SECISBP2L: variants seen among roughly 807,000 people sequenced by gnomAD.
SECISBP2L encodes selenocysteine insertion sequence-binding protein 2-like.
A neutral mutation model predicts 114.7 loss-of-function variants in SECISBP2L; 43 were observed. That is an observed-to-expected ratio of 0.38 (90% CI 0.29 to 0.48). The LOEUF (loss-of-function observed/expected upper bound fraction) is 0.48. Among genes scored for constraint, SECISBP2L ranks in the 20% least tolerant of loss-of-function variants. SECISBP2L has a pLI of 0.98. For synonymous variants in SECISBP2L, 451 were observed against 439.7 expected (o/e 1.03, Z -0.32); for missense variants, 1,136 against 1,301.1 (o/e 0.87, Z 1.95).
rs1314282287 is a variant in SECISBP2L, at chr15:49,012,630, C to A, written c.1731+18G>T. 6.2e-7 allele frequency: 1 copy of A among 1,607,722 alleles called. No individual in the cohort carries two copies. The stretch of plus-strand genomic sequence containing the variant: ...TATTCATCCTATAAAATAAATATCC[C>A]ACCAGATTTTGGTTTACCTTTTTAA... On this transcript the variant is annotated intron_variant, in intron 12 of 17. Transcript: ENST00000559471.
At chr15:49,008,516 A>T (rs1902368457) in intron 14 of SECISBP2L, among the ~76,000 whole-genome samples, 1 of 152,172 alleles carries the variant, frequency 6.6e-6, no homozygotes, top group African/African-American at 2.4e-5. Context: ...TTTGACATTT[A>T]ATTAACTTTC....
At chr15:49,000,700 C>G (rs1309377475) in intron 15 of SECISBP2L, among the ~76,000 whole-genome samples, 177 bp downstream of exon 15, 1 of 152,224 alleles carries the variant, frequency 6.6e-6, no homozygotes, top group South Asian at 2.1e-4. Flanking sequence ...TATTTACAAT[C>G]CAGTCTCAAT....
rs780015539 is a variant in SECISBP2L at position 49,035,495 on chromosome 15, A to G, written c.367T>C (p.Tyr123His). The G allele has an allele frequency of 1.3e-5, 21 of 1,614,206 alleles. No homozygotes were observed. The South Asian group carries it at 2.1e-4, about 16-fold the overall frequency. Reference sequence around the variant, plus strand: ...GAGTAAGGTGTAGGAAAAGGATGATAGAAACCCATAACCTGGGCACATGGT... The same window carrying G: ...GAGTAAGGTGTAGGAAAAGGATGATGGAAACCCATAACCTGGGCACATGGT... ...PAPCAQVMGFYHPFPTPYSNT... is the reference protein window; with the variant it reads ...PAPCAQVMGFHHPFPTPYSNT... The change falls in exon 3 of 18, where the codon TAT becomes CAT. Residue 123 changes from tyrosine to histidine, a missense_variant. Physicochemically the swap from Tyr to His is moderately conservative, Grantham distance 83. Transcript: ENST00000559471.
chr15:49,046,221 G>A lies in SECISBP2L; in HGVS notation c.24+55C>T, dbSNP rs556336804. The A allele has an allele frequency of 3.7e-3, 5,840 of 1,559,328 alleles. 17 individuals carry two copies. Among genetic ancestry groups the A allele is most frequent in the Admixed American group, 4.8e-3 (262 of 54,056 alleles). On this transcript the variant is annotated intron_variant, in intron 1 of 17. Transcript: ENST00000559471. ...GTTCGGAGAACTGGGCCTGGCCTGTGAGGAAGCGGCGACCCCAACCCCCGG... is the reference window on the plus strand; with the variant it reads ...GTTCGGAGAACTGGGCCTGGCCTGTAAGGAAGCGGCGACCCCAACCCCCGG...
In SECISBP2L at chr15:49,004,400, G is replaced by C. The variant is rs533449484; in HGVS notation, c.2028-3303C>G. 2.0e-5 allele frequency among the ~76,000 whole-genome samples: 3 copies of C among 152,190 alleles called. No homozygotes were observed. The South Asian group carries it at 6.2e-4, about 32-fold the overall frequency. On this transcript the variant is annotated intron_variant, in intron 14 of 17. Transcript: ENST00000559471. ...AAACCAGCTCCTAGATTCATTGACT[G>C]TTTGAAGGGTTTTTTGTGTCTCTAT...
intron 3 of SECISBP2L, 76 bp downstream of exon 3, chr15:49,035,258 T>A: frequency 7.5e-7 from 1 of 1,338,084 alleles, no homozygotes; most frequent in Non-Finnish European, 1.0e-6. Flanking sequence ...TAATGGTCAA[T>A]CAACCCAAGT....
intron 6 of SECISBP2L, among the ~76,000 whole-genome samples, 170 bp downstream of exon 6, chr15:49,027,974 G>C (rs534142440): frequency 1.5e-4 from 23 of 152,212 alleles, no homozygotes; most frequent in Admixed American, 1.1e-3. Flanking sequence ...AATACCTCCA[G>C]CTGGCATTTT....
At chr15:49,040,790 G>A (rs181897295) in intron 1 of SECISBP2L, among the ~76,000 whole-genome samples, 125 of 151,180 alleles carry the variant, frequency 8.3e-4, no homozygotes, top group African/African-American at 2.8e-3. Context: ...CGCCCGCCTC[G>A]GCCTCCCAAA....
At chr15:49,001,624 C>T (rs1453900907) in intron 14 of SECISBP2L, 3 of 152,718 alleles carry the variant, frequency 2.0e-5, no homozygotes, top group African/African-American at 4.8e-5. Context: ...AGCCTCCCAC[C>T]CCGACAGGCC....
chr15:48,992,060 A>AC lies in SECISBP2L; in HGVS notation c.*183_*184insG, dbSNP rs1901988102. The AC allele has an allele frequency of 2.0e-6, 1 of 502,892 alleles. No individual in the cohort carries two copies. The highest frequency in any genetic ancestry group is 3.4e-6 in the Non-Finnish European group (1 of 293,284). 31.2% of individuals were successfully genotyped at this position (502,892 alleles called of 1,614,324 possible). ...CTGAATTTTCCACACAGTTCTTAGA[A>AC]AGACACTTAGATACTAATTAAAAGC... On this transcript the variant is annotated 3_prime_UTR_variant, in exon 18 of 18. Transcript: ENST00000559471.
chr15:48,993,740 GTAT>G (rs1316878796), intron 17 of SECISBP2L, among the ~76,000 whole-genome samples: 1 of 151,588 alleles, frequency 6.6e-6, no homozygotes, highest in Non-Finnish European at 1.5e-5. Flanking sequence ...GACAAAAAAA[GTAT>G]TATATACTAC....
chr15:49,035,809 T>A (rs1428147654), intron 2 of SECISBP2L, 151 bp from the exon 3 acceptor site: 6 of 701,026 alleles, frequency 8.6e-6, no homozygotes, highest in Non-Finnish European at 1.2e-5. Context: ...CATCATCTTA[T>A]AAATTTCTTT....
At position 48,996,511 on chromosome 15, in the gene SECISBP2L, G is replaced by C; in HGVS notation, c.2479C>G (p.Gln827Glu). ...TTTAAGGCTTCCTCAGCCTGCTCCTGTTCCATTGCTGCAACCATATCTTTA... is the reference window on the plus strand; with the variant it reads ...TTTAAGGCTTCCTCAGCCTGCTCCTCTTCCATTGCTGCAACCATATCTTTA... ...AYKDMVAAME[Q>E]EQAEEALKNV... Residue 827 changes from glutamine to glutamate, a missense_variant, in exon 17 of 18, where the codon CAG (glutamine) becomes GAG (glutamate). Physicochemically the swap from Gln to Glu is conservative, Grantham distance 29. Transcript: ENST00000559471. 1.2e-6 allele frequency: 2 copies of C among 1,614,066 alleles called. No homozygotes were observed. Among genetic ancestry groups the C allele is most frequent in the East Asian group, 2.2e-5 (1 of 44,874 alleles).
rs987881085 is a variant in SECISBP2L, at chr15:49,028,053, T to C, written c.919+91A>G. 1.6e-5 allele frequency: 18 copies of C among 1,154,256 alleles called. No individual in the cohort carries two copies. The Admixed American group carries it at 1.7e-4, about 11-fold the overall frequency. 71.5% of individuals were successfully genotyped at this position (1,154,256 alleles called of 1,614,324 possible). ...CTCTGGAAGACTTCTAAGTTTTTTT[T>C]GCAGTATCAGCAAGCCTCATGCTTA... On this transcript the variant is annotated intron_variant, in intron 6 of 17. Coordinates refer to ENST00000559471, the MANE Select transcript of SECISBP2L (RefSeq NM_001193489.2).
rs1346964640 is a variant in SECISBP2L, at chr15:49,016,862, G to C, written c.1405C>G (p.Gln469Glu). The change falls in exon 10 of 18, where the codon CAA (glutamine) becomes GAA (glutamate). Residue 469 changes from glutamine to glutamate, a missense_variant. Physicochemically the swap from Gln to Glu is conservative, Grantham distance 29 (BLOSUM62 2). Around this residue, in one of 2 missense-constraint regions of SECISBP2L, gnomAD observed 684 missense variants for 848.7 expected, o/e 0.81. Transcript: ENST00000559471. ...TGAATATGTACCTGTAATTTTTTTT[G>C]CTCCATACTTATTTCTGAATACTCT... ...AQEYSEISME[Q>E]KKLQEALSKA... 6.2e-7 allele frequency: 1 copy of C among 1,600,908 alleles called. No homozygotes were observed. The highest frequency in any genetic ancestry group is 1.4e-5 in the African/African-American group (1 of 73,602).
chr15:49,018,646 T>G (rs1178052737), intron 8 of SECISBP2L, among the ~76,000 whole-genome samples: 1 of 152,204 alleles, frequency 6.6e-6, no homozygotes, highest in East Asian at 1.9e-4. Context: ...TCAATAGAAT[T>G]TATGATCCAA....
chr15:49,028,387 C>T, intron 5 of SECISBP2L, 66 bp downstream of exon 5: 4 of 1,450,438 alleles, frequency 2.8e-6, no homozygotes, highest in Non-Finnish European at 2.9e-6. Flanking sequence ...TAAGCTTTAG[C>T]AGAGGATGCA....
chr15:49,017,441 ACT>A (rs1247041143), intron 9 of SECISBP2L, 105 bp downstream of exon 9: 2 of 716,912 alleles, frequency 2.8e-6, no homozygotes, highest in Non-Finnish European at 4.8e-6. Context: ...TCTCCTGCAC[ACT>A]CTGCTGCTCC....
At chr15:49,008,555 A>G (rs1902369122) in intron 14 of SECISBP2L, among the ~76,000 whole-genome samples, 1 of 152,240 alleles carries the variant, frequency 6.6e-6, no homozygotes, top group Admixed American at 6.5e-5. Context: ...ATTTGCTCAA[A>G]AACAATGGTA....
Sources: allele counts gnomAD v4.1 joint callset (sites outside exome capture counted in the v4.1 genomes callset), GRCh38; gene constraint gnomAD v4.1.1; regional missense constraint gnomAD v4.1.1; transcripts MANE v1.5; gene names NCBI Gene and HGNC (gene_info 2026-07-23, HGNC 2026-07-21).